The following CNTN4 variants were observed in gnomAD, a reference collection of about 807,000 sequenced individuals.
The protein encoded by CNTN4 is contactin 4.
Under a neutral mutation model 122.5 loss-of-function variants are expected in CNTN4, and 77 were observed. The observed-to-expected ratio is 0.63, with a 90% confidence interval of 0.52 to 0.76. The LOEUF is 0.76. Ranked by LOEUF, CNTN4 falls within the 30% of genes least tolerant of loss-of-function variation. The probability of loss-of-function intolerance (pLI) is 0.00; values close to 1 mark genes in which losing one functional copy is unlikely to be tolerated. For missense variants in CNTN4, 1,256 were observed against 1,259.1 expected (o/e 1.00, Z 0.04); for synonymous variants, 512 against 447.0 (o/e 1.15, Z -1.83).
intron 6 of CNTN4, among the ~76,000 whole-genome samples, chr3:2,817,491 A>G (rs2092764163): frequency 6.6e-6 from 1 of 152,242 alleles, no homozygotes; most frequent in African/African-American, 2.4e-5. Flanking sequence ...AATGAGATAC[A>G]CTTCAAATGC....
chr3:2,965,055 C>G (rs772354390), intron 13 of CNTN4, among the ~76,000 whole-genome samples: 3 of 152,162 alleles, frequency 2.0e-5, no homozygotes, highest in Admixed American at 6.5e-5. Flanking sequence ...GTCTGTGATT[C>G]TATTACGGTG....
chr3:2,620,177 G>C (rs1040816199), intron 4 of CNTN4, among the ~76,000 whole-genome samples: 1 of 152,118 alleles, frequency 6.6e-6, no homozygotes, highest in African/African-American at 2.4e-5. Context: ...CAGTTACTTT[G>C]GTGATGCAGA....
chr3:2,284,918 G>GA (rs1208211823), intron 2 of CNTN4, among the ~76,000 whole-genome samples: 1 of 151,656 alleles, frequency 6.6e-6, no homozygotes, highest in South Asian at 2.1e-4. Context: ...GAGATGACTT[G>GA]AAAAAAATGC....
chr3:2,216,693 G>GA (rs1390367895), intron 2 of CNTN4, among the ~76,000 whole-genome samples: 1 of 152,042 alleles, frequency 6.6e-6, no homozygotes, highest in Non-Finnish European at 1.5e-5. Flanking sequence ...TTTTATAATG[G>GA]AAAATGTCCC....
chr3:2,656,142 T>C (rs753678011), intron 4 of CNTN4, among the ~76,000 whole-genome samples: 1 of 152,126 alleles, frequency 6.6e-6, no homozygotes, highest in Non-Finnish European at 1.5e-5. Flanking sequence ...TTAAAACAAT[T>C]AAAAGAGAAT....
At chr3:2,634,413 T>C (rs1273114002) in intron 4 of CNTN4, among the ~76,000 whole-genome samples, 1 of 152,214 alleles carries the variant, frequency 6.6e-6, no homozygotes, top group African/African-American at 2.4e-5. Context: ...CAGAACTTAT[T>C]CAATGCTATA....
At chr3:2,432,381 A>G (rs536991042) in intron 3 of CNTN4, among the ~76,000 whole-genome samples, 8 of 152,350 alleles carry the variant, frequency 5.3e-5, no homozygotes, top group South Asian at 4.1e-4. Flanking sequence ...ACAAAAATTA[A>G]TAGTCACAAA....
In CNTN4 at chr3:2,709,565, C is replaced by T. The variant is rs4504159; in HGVS notation, c.56-26650C>T. ...TCTAGACCAGTCTCCTTTCCAATTC[C>T]ATAAAATGAACAATTTCACATATTG... On this transcript the variant is annotated intron_variant, in intron 4 of 24. Transcript: ENST00000418658. This position sits in a 1 kb window ranked among gnomAD's most constrained non-coding sequence, Gnocchi z 5.0. 0.19 allele frequency among the ~76,000 whole-genome samples: 28,445 copies of T among 152,084 alleles called. 5,098 individuals are homozygous for T. Among genetic ancestry groups the T allele is most frequent in the African/African-American group, 0.48 (19,854 of 41,434 alleles).
chr3:2,173,571 T>C (rs1368106904), intron 2 of CNTN4, among the ~76,000 whole-genome samples: 1 of 152,216 alleles, frequency 6.6e-6, no homozygotes, highest in East Asian at 1.9e-4. Flanking sequence ...ATAGATTGAA[T>C]ATTCCTGAGA....
chr3:2,598,287 C>T (rs555643136), intron 4 of CNTN4, among the ~76,000 whole-genome samples: 5 of 152,200 alleles, frequency 3.3e-5, no homozygotes, highest in Non-Finnish European at 4.4e-5. Context: ...TTCCACACTC[C>T]GTAAATTGCA....
At chr3:2,707,594 T>C (rs1258980493) in intron 4 of CNTN4, among the ~76,000 whole-genome samples, 4 of 152,100 alleles carry the variant, frequency 2.6e-5, no homozygotes, top group African/African-American at 9.7e-5. Flanking sequence ...TAGCAGTTTT[T>C]GTTATTTTAA....
chr3:2,824,557 C>G (rs2092947050), intron 7 of CNTN4, among the ~76,000 whole-genome samples: 1 of 152,206 alleles, frequency 6.6e-6, no homozygotes, highest in African/African-American at 2.4e-5. Context: ...ATCTACAGAA[C>G]TAGCCCAGGT....
intron 2 of CNTN4, among the ~76,000 whole-genome samples, chr3:2,139,409 G>T (rs1322303712): frequency 6.6e-6 from 1 of 152,120 alleles, no homozygotes; most frequent in Non-Finnish European, 1.5e-5. Flanking sequence ...GGCACAGAAT[G>T]ACTTCACATA....
At chr3:2,561,750 C>G (rs1004634660) in intron 3 of CNTN4, among the ~76,000 whole-genome samples, 1 of 152,158 alleles carries the variant, frequency 6.6e-6, no homozygotes, top group Non-Finnish European at 1.5e-5. Flanking sequence ...AATGGTAGAG[C>G]TGGGATTTAA....
intron 3 of CNTN4, among the ~76,000 whole-genome samples, chr3:2,481,087 CTCTTTCTT>C (rs758374873): frequency 7.2e-5 from 5 of 69,700 alleles, no homozygotes; most frequent in Admixed American, 2.8e-4. Context: ...CTCTCTTTCT[CTCTTTCTT>C]TCTTTCTTTC....
chr3:2,317,549 C>A (rs1288543263), intron 2 of CNTN4, among the ~76,000 whole-genome samples: 1 of 152,158 alleles, frequency 6.6e-6, no homozygotes, highest in African/African-American at 2.4e-5. Flanking sequence ...CCCATTGGTT[C>A]GTTGTGCAGT....
At chr3:3,054,600 TG>T (rs1406000842) in intron 24 of CNTN4, among the ~76,000 whole-genome samples, 4 of 152,152 alleles carry the variant, frequency 2.6e-5, no homozygotes, top group Admixed American at 6.5e-5. Flanking sequence ...ATGATTTTTT[TG>T]TTGTTGTGTG....
chr3:2,678,202 G>A (rs1285638855), intron 4 of CNTN4, among the ~76,000 whole-genome samples: 1 of 152,048 alleles, frequency 6.6e-6, no homozygotes, highest in African/African-American at 2.4e-5. Context: ...TGGATAAGAG[G>A]TAATTATTTT....
intron 12 of CNTN4, among the ~76,000 whole-genome samples, chr3:2,903,724 A>G (rs2094200026): frequency 6.6e-6 from 1 of 152,180 alleles, no homozygotes; most frequent in African/African-American, 2.4e-5. Flanking sequence ...TTTATGAAAG[A>G]TGCCACAGTT....
Sources: allele counts gnomAD v4.1 joint callset (sites outside exome capture counted in the v4.1 genomes callset), GRCh38; gene constraint gnomAD v4.1.1; non-coding constraint Gnocchi (gnomAD v3.1); transcripts MANE v1.5; gene names NCBI Gene and HGNC (gene_info 2026-07-23, HGNC 2026-07-21).